Variants in TNIK observed in about 807,000 individuals in gnomAD.
TNIK encodes TRAF2 and NCK interacting kinase.
A neutral mutation model predicts 191.3 loss-of-function variants in TNIK; 49 were observed. That is an observed-to-expected ratio of 0.26 (90% CI 0.20 to 0.32). The LOEUF is 0.32. TNIK is among the 10% of genes least tolerant of loss of function. TNIK has a pLI of 1.00. For missense variants in TNIK, 1,155 were observed against 1,702.3 expected, an observed-to-expected ratio of 0.68 and a Z score of 5.66; for synonymous variants, 594 against 600.9, an observed-to-expected ratio of 0.99 and a Z score of 0.17.
chr3:171,266,675 G>A (rs1003505897), intron 2 of TNIK, among the ~76,000 whole-genome samples: 18 of 152,210 alleles, frequency 1.2e-4, no homozygotes, highest in Admixed American at 7.9e-4. Flanking sequence ...AGCCTTTGCA[G>A]GAATAGAGTA....
chr3:171,173,406 A>G lies in TNIK; in HGVS notation c.773+1846T>C, dbSNP rs6783632. Among the ~76,000 whole-genome samples the G allele has an allele frequency of 5.6e-4, 85 of 150,750 alleles. 2 individuals carry two copies. Among genetic ancestry groups the G allele is most frequent in the Middle Eastern group, 3.4e-3 (1 of 292 alleles). ...GCGAGACTCCGTCTCAAAAAAAAAAAAAAAGAAAAGAAAAGAAAAGAAAAC... is the reference window on the plus strand; with the variant it reads ...GCGAGACTCCGTCTCAAAAAAAAAAGAAAAGAAAAGAAAAGAAAAGAAAAC... On this transcript the variant is annotated intron_variant, in intron 9 of 32. Coordinates refer to ENST00000436636, the MANE Select transcript of TNIK (RefSeq NM_015028.4).
At chr3:171,375,224 A>G (rs1314049523) in intron 1 of TNIK, among the ~76,000 whole-genome samples, 1 of 152,222 alleles carries the variant, frequency 6.6e-6, no homozygotes, top group Non-Finnish European at 1.5e-5. Flanking sequence ...TTTAATAAAT[A>G]TTCATTTTCT....
At chr3:171,387,981 G>C (rs1044031242) in intron 1 of TNIK, among the ~76,000 whole-genome samples, 1 of 150,148 alleles carries the variant, frequency 6.7e-6, no homozygotes, top group African/African-American at 2.5e-5. Context: ...CAAGGAGTGT[G>C]GGGGGAGGGG....
chr3:171,367,051 A>G (rs537514780), intron 2 of TNIK, among the ~76,000 whole-genome samples: 1 of 152,314 alleles, frequency 6.6e-6, no homozygotes, highest in African/African-American at 2.4e-5. Flanking sequence ...AGTCTCAAGT[A>G]TTTCTTCATA....
chr3:171,163,759 C>T (rs1236159379), intron 10 of TNIK, among the ~76,000 whole-genome samples: 1 of 152,158 alleles, frequency 6.6e-6, no homozygotes, highest in African/African-American at 2.4e-5. Context: ...TACTTCTACT[C>T]TCTAGGGTAA....
intron 2 of TNIK, chr3:171,347,147 A>AGAT: frequency 6.6e-7 from 1 of 1,524,022 alleles, no homozygotes; most frequent in South Asian, 1.2e-5. Context: ...GAAATTCAGG[A>AGAT]GATGATGTCA....
In TNIK at chr3:171,372,338, T is replaced by C. The variant is rs149310874; in HGVS notation, c.58-2653A>G. Among the ~76,000 whole-genome samples the C allele has an allele frequency of 4.5e-4, 69 of 152,322 alleles. No individual in the cohort carries two copies. In the East Asian group the frequency reaches 0.013, roughly 28 times the overall value. ...AGTTCTACTGGCAACTGGCCTTGCA[T>C]AGGCAACCAAACTGGAAAGAATCAT... On this transcript the variant is annotated intron_variant, in intron 1 of 32. Transcript: ENST00000436636.
At chr3:171,263,371 A>T (rs879545351) in intron 2 of TNIK, among the ~76,000 whole-genome samples, 1 of 152,220 alleles carries the variant, frequency 6.6e-6, no homozygotes, top group Non-Finnish European at 1.5e-5. Context: ...ATCAAGAATC[A>T]GAGCAGGTTA....
intron 2 of TNIK, among the ~76,000 whole-genome samples, chr3:171,334,882 T>C (rs1343400144): frequency 6.6e-6 from 1 of 151,990 alleles, no homozygotes; most frequent in Non-Finnish European, 1.5e-5. Context: ...TTTCTTTTTT[T>C]TTTTTTTACC....
chr3:171,088,165 C>G (rs1220527735), intron 23 of TNIK, among the ~76,000 whole-genome samples: 1 of 151,968 alleles, frequency 6.6e-6, no homozygotes, highest in African/African-American at 2.4e-5. Context: ...TAGGCAGTAA[C>G]AAAGTCATAA....
At chr3:171,175,532 G>C (rs1388399181) in intron 8 of TNIK, among the ~76,000 whole-genome samples, 1 of 152,026 alleles carries the variant, frequency 6.6e-6, no homozygotes, top group African/African-American at 2.4e-5. Flanking sequence ...AATACAACAT[G>C]GTTCACATAG....
At chr3:171,459,926 GC>G in intron 1 of TNIK, 80 bp downstream of exon 1, 1 of 590,406 alleles carries the variant, frequency 1.7e-6, no homozygotes, top group Non-Finnish European at 3.1e-6. Flanking sequence ...CCCTGCCCCA[GC>G]CCCAGCCCCC....
At chr3:171,357,110 T>G (rs1035972103) in intron 2 of TNIK, among the ~76,000 whole-genome samples, 6 of 152,156 alleles carry the variant, frequency 3.9e-5, no homozygotes, top group African/African-American at 1.4e-4. Flanking sequence ...CTTTGTCCTA[T>G]TCTCTTCTGT....
In TNIK at chr3:171,279,033, G is replaced by A. The variant is rs1304833591; in HGVS notation, c.124-50812C>T. Reference sequence around the variant, plus strand: ...AAGCATTACACAATTCTTCTTTTTAGGGGAGAACAAGTCTTCTAGCAGGAT... The same window carrying A: ...AAGCATTACACAATTCTTCTTTTTAAGGGAGAACAAGTCTTCTAGCAGGAT... On this transcript the variant is annotated intron_variant, in intron 2 of 32. Transcript: ENST00000436636. 3.9e-5 allele frequency among the ~76,000 whole-genome samples: 6 copies of A among 152,138 alleles called. No individual in the cohort carries two copies. The East Asian group carries it at 1.2e-3, about 29-fold the overall frequency.
intron 2 of TNIK, among the ~76,000 whole-genome samples, chr3:171,340,291 A>C (rs188538449): frequency 2.0e-5 from 3 of 152,234 alleles, no homozygotes; most frequent in African/African-American, 4.8e-5. Context: ...TTCCACAATA[A>C]GCATTCATTA....
chr3:171,410,925 T>C (rs1722322368), intron 1 of TNIK, among the ~76,000 whole-genome samples: 1 of 151,994 alleles, frequency 6.6e-6, no homozygotes, highest in African/African-American at 2.4e-5. Context: ...ACAGGAGAAT[T>C]GAATTGGAAG....
At chr3:171,106,339 G>T (rs35511449) in intron 21 of TNIK, among the ~76,000 whole-genome samples, 11,684 of 152,244 alleles carry the variant, frequency 0.077, 618 homozygotes, top group Middle Eastern at 0.2. Flanking sequence ...GCCCAGTGAG[G>T]TTATGAGACT....
intron 4 of TNIK, among the ~76,000 whole-genome samples, chr3:171,203,211 C>G (rs374413974): frequency 2.0e-5 from 3 of 152,062 alleles, no homozygotes; most frequent in Non-Finnish European, 2.9e-5. Flanking sequence ...CAAGCCAAGA[C>G]GCTATAACAA....
At chr3:171,415,784 C>T (rs1722965981) in intron 1 of TNIK, among the ~76,000 whole-genome samples, 1 of 151,510 alleles carries the variant, frequency 6.6e-6, no homozygotes, top group Admixed American at 6.6e-5. Context: ...AGTTTGAAAT[C>T]AGCCTGGCCA....
Sources: allele counts gnomAD v4.1 joint callset (sites outside exome capture counted in the v4.1 genomes callset), GRCh38; gene constraint gnomAD v4.1.1; transcripts MANE v1.5; gene names NCBI Gene and HGNC (gene_info 2026-07-23, HGNC 2026-07-21).